Variants in FATE1 observed in about 807,000 individuals in gnomAD.
FATE1 encodes the protein fetal and adult testis-expressed transcript protein.
FATE1 carries 18 observed loss-of-function variants against 16.0 expected under a neutral mutation model. The observed-to-expected ratio is 1.12, with a 90% CI of 0.78 to 1.66. The LOEUF is 1.66. Among genes scored for constraint, FATE1 ranks in the 40% most tolerant of loss-of-function variants. FATE1 has a pLI of 0.00. For missense variants in FATE1, 169 were observed against 152.7 expected (o/e 1.11, Z -0.56); for synonymous variants, 76 against 56.9 (o/e 1.34, Z -1.51).
Position 151,722,691 on chromosome X carries a change from G to C in FATE1, c.484G>C (p.Glu162Gln), listed in dbSNP as rs776992272. 41 of 1,211,264 alleles carry C rather than the reference G, an allele frequency of 3.4e-5. No individual in the cohort carries two copies. The highest frequency in any genetic ancestry group is 4.4e-5 in the Non-Finnish European group (39 of 895,345). Reference protein sequence around the residue: ...EEQGATWRHRETLIIAVLVSA... With the variant: ...EEQGATWRHRQTLIIAVLVSA... ...ACAGGGCGCCACCTGGCGCCACAGG[G>C]AGACCCTGATCATCGCCGTGCTGGT... The change falls in exon 5 of 5, where the codon GAG (glutamate) becomes CAG (glutamine). Residue 162 changes from glutamate to glutamine, a missense_variant. Coordinates refer to ENST00000370350, the MANE Select transcript of FATE1 (RefSeq NM_033085.3).
Position 151,722,829 on chromosome X carries a change from C to T in FATE1, c.*70C>T. 2 of 1,127,219 alleles carry T rather than the reference C, an allele frequency of 1.8e-6. No homozygotes were observed. The highest frequency in any genetic ancestry group is 2.4e-6 in the Non-Finnish European group (2 of 840,827). 92.9% of individuals were successfully genotyped at this position (1,127,219 alleles called of 1,213,427 possible). A position where few individuals can be genotyped will look rare whatever the true frequency, so the allele number is the denominator to read the frequency against. On this transcript the variant is annotated 3_prime_UTR_variant, in exon 5 of 5. Coordinates refer to ENST00000370350, the MANE Select transcript of FATE1 (RefSeq NM_033085.3). Reference sequence around the variant, plus strand: ...TTCTTTCTTTCCTCTTTCCCCAGGCCGCCACTGCCCTTGCCCCTTTCATCT... The same window carrying T: ...TTCTTTCTTTCCTCTTTCCCCAGGCTGCCACTGCCCTTGCCCCTTTCATCT...
intron 2 of FATE1, among the ~76,000 whole-genome samples, chrX:151,718,107 A>G: frequency 1.2e-5 from 1 of 84,093 alleles, no homozygotes; most frequent in Middle Eastern, 5.6e-3. Flanking sequence ...AGAAAGAGAG[A>G]GAGAGGAAGG....
chrX:151,717,466 T>G, intron 2 of FATE1, 67 bp downstream of exon 2: 1 of 1,103,710 alleles, frequency 9.1e-7, no homozygotes, highest in Non-Finnish European at 1.2e-6. Context: ...GTAGGGGCTC[T>G]AGCCTGACCA....
intron 4 of FATE1, 31 bp from the exon 5 acceptor site, chrX:151,722,596 GC>G: frequency 8.3e-7 from 1 of 1,211,248 alleles, no homozygotes; most frequent in Admixed American, 2.2e-5. Context: ...GAAGAGCCTC[GC>G]TCAGCAGCCC....
chrX:151,719,089 T>A (rs937696455), intron 2 of FATE1, among the ~76,000 whole-genome samples: 2 of 112,215 alleles, frequency 1.8e-5, no homozygotes, highest in Non-Finnish European at 1.9e-5. Context: ...TCTGGTTTAA[T>A]TAAAGTTGAC....
intron 2 of FATE1, 142 bp downstream of exon 2, chrX:151,717,541 T>C: frequency 1.4e-6 from 1 of 711,890 alleles, no homozygotes; most frequent in East Asian, 3.8e-5. Flanking sequence ...AGCTGGCAAA[T>C]GAGGACAGGA....
chrX:151,722,907 T>G lies in FATE1; in HGVS notation c.*148T>G. The G allele has an allele frequency of 6.8e-6, 5 of 739,294 alleles. No homozygotes were observed. The highest frequency in any genetic ancestry group is 9.5e-6 in the Non-Finnish European group (5 of 525,099). The allele number at this position is 739,294 out of a possible 1,213,427, so 60.9% of individuals were successfully genotyped here. A position where few individuals can be genotyped will look rare whatever the true frequency, so the allele number is the denominator to read the frequency against. On this transcript the variant is annotated 3_prime_UTR_variant, in exon 5 of 5. Coordinates refer to ENST00000370350, the MANE Select transcript of FATE1 (RefSeq NM_033085.3). ...CATTTTCAACTCTGGTTAGGCCTCC[T>G]ACCTGGGGAGGCCAGGTCACTGCAC...
At chrX:151,719,730 C>T (rs2015098626) in intron 2 of FATE1, among the ~76,000 whole-genome samples, 1 of 112,384 alleles carries the variant, frequency 8.9e-6, no homozygotes, top group Non-Finnish European at 1.9e-5. Context: ...TTAGTTATGC[C>T]TTATTGCAAC....
rs770793585 is a variant in FATE1 at position 151,721,918 on chromosome X, T to G, written c.357T>G (p.Asp119Glu). The part of the protein sequence containing the change: ...RFHYDRNPGT[D>E]AVAQTSLEEF... ...TCTCTCCCAGCAACCCAGGGACAGATGCAGTGGCGCAGACTAGCCTGGAAG... is the reference window on the plus strand; with the variant it reads ...TCTCTCCCAGCAACCCAGGGACAGAGGCAGTGGCGCAGACTAGCCTGGAAG... The change falls in exon 4 of 5, where the codon GAT becomes GAG. Residue 119 changes from aspartate (D) to glutamate (E), a missense_variant. Physicochemically the swap from Asp to Glu is conservative, Grantham distance 45. Coordinates refer to ENST00000370350, the MANE Select transcript of FATE1 (RefSeq NM_033085.3). The G allele has an allele frequency of 3.3e-6, 4 of 1,209,019 alleles. No individual in the cohort carries two copies. The highest frequency in any genetic ancestry group is 3.5e-5 in the South Asian group (2 of 56,687).
rs138359911 is a variant in FATE1, at chrX:151,717,364, G to C, written c.199G>C (p.Val67Leu). ...KAAGSASAKR[V>L]WNMTATRPKK... Reference sequence around the variant, plus strand: ...TGCTGGCTCTGCTTCAGCCAAACGAGTTTGGAATATGACTGCCACCCGACC... The same window carrying C: ...TGCTGGCTCTGCTTCAGCCAAACGACTTTGGAATATGACTGCCACCCGACC... The change falls in exon 2 of 5, where the codon GTT becomes CTT. Residue 67 changes from valine to leucine, a missense_variant. Coordinates refer to ENST00000370350, the MANE Select transcript of FATE1 (RefSeq NM_033085.3). 3 of 1,204,810 alleles carry C rather than the reference G, an allele frequency of 2.5e-6. No individual in the cohort carries two copies. The African/African-American group carries it at 5.3e-5, about 21-fold the overall frequency.
intron 4 of FATE1, among the ~76,000 whole-genome samples, chrX:151,722,338 A>T (rs977827456): frequency 9.8e-5 from 11 of 111,926 alleles, no homozygotes; most frequent in African/African-American, 3.6e-4. Flanking sequence ...TTAGGAGGAG[A>T]TCCTTTCTTC....
rs1384974212 is a variant in FATE1 at position 151,722,608 on chromosome X, TG to T, written c.421-19del. The T allele has an allele frequency of 1.7e-6, 2 of 1,211,166 alleles. No individual in the cohort carries two copies. Among genetic ancestry groups the T allele is most frequent in the Admixed American group, 2.2e-5 (1 of 46,071 alleles). ...GGAGAAGAGCCTCGCTCAGCAGCCC[TG>T]CCTTTGACTCCTCTGCAGCTGTATG... On this transcript the variant is annotated intron_variant, in intron 4 of 4. Transcript: ENST00000370350.
intron 2 of FATE1, among the ~76,000 whole-genome samples, chrX:151,718,562 T>C (rs754248868): frequency 1.8e-5 from 2 of 112,472 alleles, no homozygotes; most frequent in African/African-American, 3.2e-5. Context: ...GGCAACAAGA[T>C]TGGAGAGGGA....
Position 151,722,635 on chromosome X carries a change from C to T in FATE1, c.428C>T (p.Ala143Val). 7.4e-6 allele frequency: 9 copies of T among 1,212,321 alleles called. No individual in the cohort carries two copies. Among genetic ancestry groups the T allele is most frequent in the Non-Finnish European group, 1.0e-5 (9 of 895,547 alleles). ...EMEVMRRQLYAVNRRLRALEE... is the reference protein window; with the variant it reads ...EMEVMRRQLYVVNRRLRALEE... The stretch of plus-strand genomic sequence containing the variant: ...CCTTTGACTCCTCTGCAGCTGTATG[C>T]AGTCAACCGGCGTCTGCGCGCCCTG... The change falls in exon 5 of 5, where the codon GCA (alanine) becomes GTA (valine). Residue 143 changes from alanine to valine, a missense_variant. Physicochemically the swap from Ala to Val is moderately conservative, Grantham distance 64. Transcript: ENST00000370350.
chrX:151,722,132 C>G (rs1057487967), intron 4 of FATE1, 151 bp downstream of exon 4: 14 of 490,665 alleles, frequency 2.9e-5, no homozygotes, highest in Admixed American at 2.1e-4. Context: ...CTCCTCATCC[C>G]CATGGCTCTG....
chrX:151,716,389 G>A (rs1271436150), intron 1 of FATE1, among the ~76,000 whole-genome samples, 164 bp downstream of exon 1: 6 of 112,190 alleles, frequency 5.3e-5, no homozygotes, highest in African/African-American at 1.9e-4. Context: ...AAGGGAGCTA[G>A]GGGAAAAGGG....
At position 151,717,224 on chromosome X, in the gene FATE1, T is replaced by C. The variant is rs768778324; in HGVS notation, c.107-48T>C. ...GGTGTGTTTTGTGCCCAAGAAACCC[T>C]GGTGCAACTTCTATGGGTGCTCCTG... On this transcript the variant is annotated intron_variant, in intron 1 of 4. Coordinates refer to ENST00000370350, the MANE Select transcript of FATE1 (RefSeq NM_033085.3). 202 of 1,172,158 alleles carry C rather than the reference T, an allele frequency of 1.7e-4. No homozygotes were observed. The South Asian group carries it at 3.5e-3, about 20-fold the overall frequency.
At chrX:151,717,488 G>A in intron 2 of FATE1, 89 bp downstream of exon 2, 1 of 991,321 alleles carries the variant, frequency 1.0e-6, no homozygotes, top group Admixed American at 2.9e-5. Context: ...GTCAGGCAGG[G>A]CTAGACGTTG....
chrX:151,716,626 T>C (rs1162543864), intron 1 of FATE1, among the ~76,000 whole-genome samples: 1 of 112,036 alleles, frequency 8.9e-6, no homozygotes, highest in Non-Finnish European at 1.9e-5. Flanking sequence ...ATCAGCCTCC[T>C]CAAAACGTTT....
Sources: gnomAD v4.1 joint callset for allele counts (sites outside exome capture counted in the v4.1 genomes callset) on GRCh38, gnomAD v4.1.1 for gene constraint, MANE v1.5 for transcripts, NCBI Gene and HGNC (gene_info 2026-07-23, HGNC 2026-07-21) for gene names.